Variants in UBE2G2 observed in about 807,000 individuals in gnomAD.
The protein encoded by UBE2G2 is ubiquitin-conjugating enzyme E2 G2.
A neutral mutation model predicts 23.0 loss-of-function variants in UBE2G2; 10 were observed. The ratio of observed to expected loss-of-function variants is 0.43; its 90% confidence interval spans 0.27 to 0.74. UBE2G2 has a LOEUF of 0.74. UBE2G2 is among the 30% of genes least tolerant of loss of function. The pLI is 0.19. For synonymous variants in UBE2G2, 86 were observed against 81.3 expected (o/e 1.06, Z -0.31); for missense variants, 150 against 218.3 (o/e 0.69, Z 1.97).
chr21:44,800,804 C>G (rs782310279), intron 1 of UBE2G2: 2 of 152,134 alleles, frequency 1.3e-5, no homozygotes, highest in Non-Finnish European at 2.9e-5. Flanking sequence ...CAAAATTATC[C>G]TCAATCTAAT....
At chr21:44,776,464 C>G (rs1555960590) in intron 4 of UBE2G2, among the ~76,000 whole-genome samples, 1 of 152,010 alleles carries the variant, frequency 6.6e-6, no homozygotes, top group African/African-American at 2.4e-5. Flanking sequence ...ACTGCTTTTC[C>G]CAGTCAATAT....
chr21:44,801,632 CAG>C, intron 1 of UBE2G2, 72 bp downstream of exon 1: 1 of 1,475,944 alleles, frequency 6.8e-7, no homozygotes, highest in South Asian at 1.3e-5. Context: ...CTCCCTGCCC[CAG>C]CCCCGCCGGA....
chr21:44,776,458 CT>C (rs1490820280), intron 4 of UBE2G2, among the ~76,000 whole-genome samples: 1 of 152,158 alleles, frequency 6.6e-6, no homozygotes, highest in African/African-American at 2.4e-5. Flanking sequence ...AGTGCTACTG[CT>C]TTTCCCAGTC....
chr21:44,774,814 G>A, intron 4 of UBE2G2: 1 of 434,150 alleles, frequency 2.3e-6, no homozygotes, highest in South Asian at 1.7e-5. Flanking sequence ...GGTCCCATAG[G>A]GTGACACTGC....
At chr21:44,789,384 C>CAAAAAAAAAAAAAA (rs56695709) in intron 1 of UBE2G2, 3 of 82,330 alleles carry the variant, frequency 3.6e-5, no homozygotes, top group Non-Finnish European at 7.0e-5. Flanking sequence ...GACTCTGTCT[C>CAAAAAAAAAAAAAA]AAAAAAAAAA....
intron 3 of UBE2G2, among the ~76,000 whole-genome samples, chr21:44,781,324 T>C (rs1379789599): frequency 6.6e-6 from 1 of 152,302 alleles, no homozygotes; most frequent in Non-Finnish European, 1.5e-5. Context: ...AGGAAGGGCA[T>C]GAGGGCTCCC....
In UBE2G2 at chr21:44,769,410, TCA is replaced by T. The variant is rs1555959506; in HGVS notation, c.*1965_*1966del. ...TTTTTTTTTTTTTTGAGACAGAGTCTCACTCTGTTGCCCAGGCTGGAGTGCAG... is the reference window on the plus strand; with the variant it reads ...TTTTTTTTTTTTTTGAGACAGAGTCTCTCTGTTGCCCAGGCTGGAGTGCAG... On this transcript the variant is annotated 3_prime_UTR_variant, in exon 6 of 6. Coordinates refer to ENST00000345496, the MANE Select transcript of UBE2G2 (RefSeq NM_003343.6). 6.9e-6 allele frequency: 1 copy of T among 145,194 alleles called. No homozygotes were observed. The highest frequency in any genetic ancestry group is 7.0e-5 in the Admixed American group (1 of 14,244). The allele number at this position is 145,194 out of a possible 1,614,324, so 9.0% of individuals were successfully genotyped here. A position where few individuals can be genotyped will look rare whatever the true frequency, so the allele number is the denominator to read the frequency against.
chr21:44,779,321 T>C (rs921504769), intron 3 of UBE2G2: 6 of 290,842 alleles, frequency 2.1e-5, no homozygotes, highest in Non-Finnish European at 3.4e-5. Context: ...CTTTGCTACC[T>C]TTTCAGAAGA....
intron 3 of UBE2G2, among the ~76,000 whole-genome samples, chr21:44,780,216 G>C (rs940621041): frequency 1.3e-5 from 2 of 152,224 alleles, no homozygotes; most frequent in Non-Finnish European, 2.9e-5. Flanking sequence ...GTTTGAAACT[G>C]GGATTTCTTT....
chr21:44,782,202 T>C (rs2082962466), intron 3 of UBE2G2, among the ~76,000 whole-genome samples: 1 of 152,238 alleles, frequency 6.6e-6, no homozygotes, highest in Non-Finnish European at 1.5e-5. Context: ...TTGGTTATTG[T>C]TCCAGCTTTT....
intron 3 of UBE2G2, among the ~76,000 whole-genome samples, chr21:44,783,530 G>C (rs1335398947): frequency 6.6e-6 from 1 of 152,216 alleles, no homozygotes; most frequent in Non-Finnish European, 1.5e-5. Context: ...ATCAACTGGG[G>C]AATGGAAAAG....
rs782396467 is a variant in UBE2G2, at chr21:44,801,800, C to T, written c.-52G>A. 40 of 1,494,940 alleles carry T rather than the reference C, an allele frequency of 2.7e-5. No individual in the cohort carries two copies. Among genetic ancestry groups the T allele is most frequent in the Admixed American group, 2.3e-5 (1 of 42,746 alleles). The allele number at this position is 1,494,940 out of a possible 1,614,324, so 92.6% of individuals were successfully genotyped here. On this transcript the variant is annotated 5_prime_UTR_variant, in exon 1 of 6. Transcript: ENST00000345496. Reference sequence around the variant, plus strand: ...CCTCGCCTCAGCCGCGCGCGTGCCTCCTGCCCCGACACCGGGGACTGCTTC... The same window carrying T: ...CCTCGCCTCAGCCGCGCGCGTGCCTTCTGCCCCGACACCGGGGACTGCTTC...
intron 3 of UBE2G2, chr21:44,779,111 A>T (rs1199082700): frequency 1.1e-5 from 3 of 276,084 alleles, no homozygotes; most frequent in African/African-American, 4.5e-5. Flanking sequence ...ACAAAAATCA[A>T]AAAGAAACTG....
intron 1 of UBE2G2, among the ~76,000 whole-genome samples, chr21:44,791,963 A>T (rs185627237): frequency 1.3e-5 from 2 of 152,372 alleles, no homozygotes; most frequent in Non-Finnish European, 1.5e-5. Flanking sequence ...ACACGGGGTC[A>T]CAAAGGAGAC....
chr21:44,793,678 G>A (rs1264044275), intron 1 of UBE2G2, among the ~76,000 whole-genome samples: 1 of 152,176 alleles, frequency 6.6e-6, no homozygotes, highest in Non-Finnish European at 1.5e-5. Flanking sequence ...ACGAATCTTG[G>A]TATCAGGGAA....
chr21:44,788,240 T>C (rs1413363290), intron 1 of UBE2G2, 145 bp from the exon 2 acceptor site: 1 of 701,798 alleles, frequency 1.4e-6, no homozygotes, highest in Admixed American at 3.2e-5. Flanking sequence ...CCAAAGTGAA[T>C]ACCTAGTACA....
intron 1 of UBE2G2, among the ~76,000 whole-genome samples, chr21:44,794,708 G>A (rs2083072349): frequency 6.6e-6 from 1 of 151,796 alleles, no homozygotes; most frequent in Non-Finnish European, 1.5e-5. Flanking sequence ...CTAATTTTTT[G>A]TATTTTTAGT....
At chr21:44,795,759 C>CTGTT (rs113787077) in intron 1 of UBE2G2, among the ~76,000 whole-genome samples, 118,005 of 151,788 alleles carry the variant, frequency 0.78, 46,305 homozygotes, top group African/African-American at 0.89. Context: ...TAGAGGAAAA[C>CTGTT]TGGCCGTTTC....
At chr21:44,786,613 A>C (rs2082998548) in intron 3 of UBE2G2, among the ~76,000 whole-genome samples, 1 of 152,218 alleles carries the variant, frequency 6.6e-6, no homozygotes, top group Non-Finnish European at 1.5e-5. Context: ...GAGCATTAAG[A>C]ATTAATGTGA....
Sources: gnomAD v4.1 joint callset for allele counts (sites outside exome capture counted in the v4.1 genomes callset) on GRCh38, gnomAD v4.1.1 for gene constraint, MANE v1.5 for transcripts, NCBI Gene and HGNC (gene_info 2026-07-23, HGNC 2026-07-21) for gene names.